CAVIN1: variants seen among roughly 807,000 people sequenced by gnomAD.
The protein encoded by CAVIN1 is caveolae-associated protein 1.
CAVIN1 carries 16 observed loss-of-function variants against 24.0 expected under a neutral mutation model. That is an observed-to-expected ratio of 0.67 (90% CI 0.45 to 1.01). The LOEUF is 1.01. Among genes scored for constraint, CAVIN1 ranks in the 50% least tolerant of loss-of-function variants. The probability of loss-of-function intolerance (pLI) is 0.00; values close to 1 mark genes in which losing one functional copy is unlikely to be tolerated. For synonymous variants in CAVIN1, 256 were observed against 256.4 expected (o/e 1.00, Z 0.02); for missense variants, 510 against 551.7 (o/e 0.92, Z 0.76).
Position 42,404,624 on chromosome 17 carries a change from A to C in CAVIN1, c.*63T>G. On this transcript the variant is annotated 3_prime_UTR_variant, in exon 2 of 2. Coordinates refer to ENST00000357037, the MANE Select transcript of CAVIN1 (RefSeq NM_012232.6). The stretch of plus-strand genomic sequence containing the variant: ...AAAATCTCAGCCAGCTCGAGCCGAG[A>C]GAGAATGCGAAAGAGGAAGTTCGGA... The C allele has an allele frequency of 8.8e-7, 1 of 1,140,954 alleles. No individual in the cohort carries two copies. Among genetic ancestry groups the C allele is most frequent in the Non-Finnish European group, 1.2e-6 (1 of 855,454 alleles). The allele number at this position is 1,140,954 out of a possible 1,614,324, so 70.7% of individuals were successfully genotyped here.
At chr17:42,411,356 C>A in intron 1 of CAVIN1, 1 of 832,616 alleles carries the variant, frequency 1.2e-6, no homozygotes, top group Non-Finnish European at 1.4e-6. Flanking sequence ...GAGTTCAGAA[C>A]CAGCCTGGGC....
chr17:42,402,898 C>A lies in CAVIN1; in HGVS notation c.*1789G>T, dbSNP rs1333308980. 1 of 152,078 alleles carries A rather than the reference C, an allele frequency of 6.6e-6. No individual in the cohort carries two copies. Among genetic ancestry groups the A allele is most frequent in the African/African-American group, 2.4e-5 (1 of 41,374 alleles). The allele number at this position is 152,078 out of a possible 1,614,324, so 9.4% of individuals were successfully genotyped here. On this transcript the variant is annotated 3_prime_UTR_variant, in exon 2 of 2. Transcript: ENST00000357037. ...TTTAATGGGGAGGAACAAGGGGACT[C>A]GTGTCTTGAGAACCTGGTCGTGTCT... is the stretch of plus-strand genomic sequence containing the variant.
chr17:42,410,782 C>G (rs919637566), intron 1 of CAVIN1, among the ~76,000 whole-genome samples: 1 of 150,324 alleles, frequency 6.7e-6, no homozygotes, highest in South Asian at 2.1e-4. Context: ...TGTGGTGGCA[C>G]GAGCCTGTAA....
intron 1 of CAVIN1, among the ~76,000 whole-genome samples, chr17:42,405,682 G>GTTTTTTTTTTTTTTTTTTTT (rs531661585): frequency 1.7e-5 from 1 of 57,828 alleles, no homozygotes; most frequent in African/African-American, 4.9e-5. Flanking sequence ...CTCTCTCCTT[G>GTTTTTTTTTTTTTTTTTTTT]TTTTTTTTTT....
At chr17:42,411,625 G>A in intron 1 of CAVIN1, 1 of 985,406 alleles carries the variant, frequency 1.0e-6, no homozygotes, top group East Asian at 1.1e-4. Context: ...CAGGGAGTGG[G>A]TGGAGAGGGC....
intron 1 of CAVIN1, among the ~76,000 whole-genome samples, chr17:42,406,921 T>C (rs1598571858): frequency 6.6e-6 from 1 of 152,096 alleles, no homozygotes; most frequent in East Asian, 1.9e-4. Context: ...AGAGATTACT[T>C]TTCAATTCTT....
intron 1 of CAVIN1, among the ~76,000 whole-genome samples, chr17:42,408,790 C>CTTT (rs67299164): frequency 5.0e-5 from 6 of 120,818 alleles, no homozygotes; most frequent in African/African-American, 9.4e-5. Flanking sequence ...CGTGCCCGGC[C>CTTT]TTTTTTTTTT....
At chr17:42,413,017 C>T (rs56364076) in intron 1 of CAVIN1, among the ~76,000 whole-genome samples, 87,814 of 151,526 alleles carry the variant, frequency 0.58, 27,740 homozygotes, top group Admixed American at 0.72. Flanking sequence ...CCGCAACCTC[C>T]GCCTCCTGGG....
intron 1 of CAVIN1, chr17:42,411,426 A>T (rs2085478122): frequency 4.1e-6 from 4 of 985,100 alleles, no homozygotes; most frequent in Admixed American, 6.2e-5. Context: ...AAGTTGAGAA[A>T]CACTCTGCTA....
In CAVIN1 at chr17:42,419,511, A is replaced by C. The variant is rs563329229; in HGVS notation, c.471+3116T>G. Among the ~76,000 whole-genome samples the C allele has an allele frequency of 2.0e-5, 3 of 152,068 alleles. No individual in the cohort carries two copies. The East Asian group carries it at 5.8e-4, about 29-fold the overall frequency. On this transcript the variant is annotated intron_variant, in intron 1 of 1. Coordinates refer to ENST00000357037, the MANE Select transcript of CAVIN1 (RefSeq NM_012232.6). The stretch of plus-strand genomic sequence containing the variant: ...TATTTTAGTAGAGAGGGGTTTCACC[A>C]TGTTGGCCAGGCTGGTCTCGAACTA...
intron 1 of CAVIN1, among the ~76,000 whole-genome samples, chr17:42,418,403 G>C (rs151285077): frequency 6.6e-6 from 1 of 151,760 alleles, no homozygotes; most frequent in Non-Finnish European, 1.5e-5. Context: ...GGCTAATTTT[G>C]TATTTTTAGT....
In CAVIN1 at chr17:42,405,150, GAGA is replaced by G; in HGVS notation, c.707_709del (p.Phe236del). ...CTTGGTCTTCTCCATCTTCTCCTTG[GAGA>G]AGGCCTTCTTGAAGTCGTCCACGCG... On this transcript the variant is annotated inframe_deletion, in exon 2 of 2. Transcript: ENST00000357037. The G allele has an allele frequency of 6.2e-7, 1 of 1,613,300 alleles. No individual in the cohort carries two copies. Among genetic ancestry groups the G allele is most frequent in the South Asian group, 1.1e-5 (1 of 91,040 alleles).
chr17:42,422,079 G>T (rs1323741017), intron 1 of CAVIN1, among the ~76,000 whole-genome samples: 3 of 152,118 alleles, frequency 2.0e-5, no homozygotes, highest in African/African-American at 7.2e-5. Flanking sequence ...TGGGGAGGAG[G>T]TTGGCGGTCG....
chr17:42,403,342 TG>T lies in CAVIN1; in HGVS notation c.*1344del. On this transcript the variant is annotated 3_prime_UTR_variant, in exon 2 of 2. Coordinates refer to ENST00000357037, the MANE Select transcript of CAVIN1 (RefSeq NM_012232.6). ...CAACTTGGTGGCAGGGCCGGCACCC[TG>T]CTCTCCCTCCTAACTCCCAGCCTGC... 1 of 152,802 alleles carries T rather than the reference TG, an allele frequency of 6.5e-6. No individual in the cohort carries two copies. The highest frequency in any genetic ancestry group is 1.5e-5 in the Non-Finnish European group (1 of 68,154). 9.5% of individuals were successfully genotyped at this position (152,802 alleles called of 1,614,324 possible). A position where few individuals can be genotyped will look rare whatever the true frequency, so the allele number is the denominator to read the frequency against.
chr17:42,412,389 C>CTTTTTTT, intron 1 of CAVIN1: 2 of 203,010 alleles, frequency 9.9e-6, no homozygotes, highest in Non-Finnish European at 1.5e-5. Context: ...AAATAAACCA[C>CTTTTTTT]TTTTTTTTTT....
At chr17:42,411,637 C>G in intron 1 of CAVIN1, 1 of 985,366 alleles carries the variant, frequency 1.0e-6, no homozygotes, top group Non-Finnish European at 1.2e-6. Flanking sequence ...GGAGAGGGCA[C>G]AGAACAGACC....
intron 1 of CAVIN1, among the ~76,000 whole-genome samples, chr17:42,410,248 G>A (rs1242299351): frequency 6.6e-6 from 1 of 152,172 alleles, no homozygotes; most frequent in Non-Finnish European, 1.5e-5. Flanking sequence ...GCCTGGGAAT[G>A]GCTGGAGGAG....
At chr17:42,406,627 T>C (rs2085448347) in intron 1 of CAVIN1, among the ~76,000 whole-genome samples, 1 of 152,166 alleles carries the variant, frequency 6.6e-6, no homozygotes, top group Non-Finnish European at 1.5e-5. Flanking sequence ...TCCACCCGCC[T>C]TGGCCTCCCA....
rs1217478736 is a variant in CAVIN1, at chr17:42,422,790, G to T, written c.308C>A (p.Thr103Lys). 1 of 1,613,780 alleles carries T rather than the reference G, an allele frequency of 6.2e-7. No homozygotes were observed. The highest frequency in any genetic ancestry group is 1.7e-5 in the Admixed American group (1 of 59,984). ...LSKLGKAHAT[T>K]SNTVSKLLEK... The stretch of plus-strand genomic sequence containing the variant: ...CAGCAGCTTGCTCACCGTATTGCTC[G>T]TGGTGGCGTGCGCCTTGCCCAGCTT... Residue 103 changes from threonine to lysine, a missense_variant, in exon 1 of 2, where the codon ACG becomes AAG. Transcript: ENST00000357037.
Sources: gnomAD v4.1 joint callset for allele counts (sites outside exome capture counted in the v4.1 genomes callset) on GRCh38, gnomAD v4.1.1 for gene constraint, MANE v1.5 for transcripts, NCBI Gene and HGNC (gene_info 2026-07-23, HGNC 2026-07-21) for gene names.